CDH13: variants seen among roughly 807,000 people sequenced by gnomAD.
The protein encoded by CDH13 is cadherin-13.
A neutral mutation model predicts 63.8 loss-of-function variants in CDH13; 24 were observed. The observed-to-expected ratio is 0.38, with a 90% CI of 0.27 to 0.53. The LOEUF (loss-of-function observed/expected upper bound fraction) is 0.53. Ranked by LOEUF, CDH13 falls within the 20% of genes least tolerant of loss-of-function variation. The probability of loss-of-function intolerance (pLI) is 0.85; values close to 1 mark genes in which losing one functional copy is unlikely to be tolerated. For synonymous variants in CDH13, 503 were observed against 355.3 expected (o/e 1.42, Z -4.67); for missense variants, 1,049 against 903.1 (o/e 1.16, Z -2.07).
chr16:82,954,665 G>C (rs1268428916), intron 2 of CDH13: 1 of 151,570 alleles, frequency 6.6e-6, no homozygotes, highest in African/African-American at 2.4e-5. Flanking sequence ...CTCTTTTAAA[G>C]TGTAGCACTC....
chr16:83,567,922 C>T (rs985140501), intron 7 of CDH13, among the ~76,000 whole-genome samples: 1 of 152,174 alleles, frequency 6.6e-6, no homozygotes, highest in African/African-American at 2.4e-5. Flanking sequence ...CCTGTAAATT[C>T]TGTTGCCTCT....
chr16:83,407,809 T>C (rs2092069498), intron 6 of CDH13, among the ~76,000 whole-genome samples: 1 of 152,062 alleles, frequency 6.6e-6, no homozygotes, highest in Non-Finnish European at 1.5e-5. Context: ...ATTAGAAGTC[T>C]TAAAACTCAT....
intron 6 of CDH13, among the ~76,000 whole-genome samples, chr16:83,451,049 C>G (rs146534941): frequency 3.3e-5 from 5 of 152,118 alleles, no homozygotes; most frequent in African/African-American, 1.2e-4. Flanking sequence ...TAATAAGCGC[C>G]CCCAGTGATG....
intron 7 of CDH13, among the ~76,000 whole-genome samples, chr16:83,578,499 G>C (rs1196155236): frequency 6.6e-6 from 1 of 152,150 alleles, no homozygotes; most frequent in East Asian, 1.9e-4. Context: ...AAGCAGAAGA[G>C]GTCACATTCC....
At chr16:83,521,184 A>G (rs1158200519) in intron 7 of CDH13, among the ~76,000 whole-genome samples, 2 of 152,218 alleles carry the variant, frequency 1.3e-5, no homozygotes, top group South Asian at 2.1e-4. Flanking sequence ...AAATTATTGC[A>G]TGTACTGCCT....
intron 10 of CDH13, among the ~76,000 whole-genome samples, chr16:83,731,140 T>C (rs1911001963): frequency 6.6e-6 from 1 of 152,244 alleles, no homozygotes; most frequent in South Asian, 2.1e-4. Context: ...TGCATGTGTC[T>C]TTTTGGCAAA....
At chr16:83,155,423 C>G (rs2037168718) in intron 4 of CDH13, among the ~76,000 whole-genome samples, 1 of 152,238 alleles carries the variant, frequency 6.6e-6, no homozygotes, top group East Asian at 1.9e-4. Flanking sequence ...GCAGTGAAGG[C>G]CAAGGTCTAA....
chr16:83,015,538 A>G (rs1425946171), intron 2 of CDH13, among the ~76,000 whole-genome samples: 4 of 151,418 alleles, frequency 2.6e-5, no homozygotes, highest in Non-Finnish European at 4.4e-5. Flanking sequence ...TAATGTTTGC[A>G]GTAAGATTCC....
At chr16:83,559,410 A>G (rs1406530321) in intron 7 of CDH13, among the ~76,000 whole-genome samples, 1 of 152,094 alleles carries the variant, frequency 6.6e-6, no homozygotes, top group African/African-American at 2.4e-5. Context: ...TGTCTCTACT[A>G]AAAATATGAA....
chr16:82,629,273 C>G (rs929068959), intron 1 of CDH13, among the ~76,000 whole-genome samples: 4 of 152,178 alleles, frequency 2.6e-5, no homozygotes, highest in African/African-American at 7.2e-5. Context: ...ATGAAGGAAG[C>G]AGAGATTTTG....
chr16:82,709,764 A>G (rs60881121), intron 1 of CDH13, among the ~76,000 whole-genome samples: 7,068 of 152,248 alleles, frequency 0.046, 326 homozygotes, highest in African/African-American at 0.12. Context: ...TTTAGTATCT[A>G]CAGGGTGGGC....
intron 1 of CDH13, among the ~76,000 whole-genome samples, chr16:82,709,682 C>A (rs1236420220): frequency 1.3e-5 from 2 of 152,110 alleles, no homozygotes; most frequent in East Asian, 3.8e-4. Flanking sequence ...TTCACATGAG[C>A]GTTGTTGGAG....
At chr16:83,187,012 C>G (rs146798382) in intron 4 of CDH13, among the ~76,000 whole-genome samples, 1,574 of 152,134 alleles carry the variant, frequency 0.01, 15 homozygotes, top group Middle Eastern at 0.031. Flanking sequence ...GCTCTGTCAC[C>G]CAGGCTGGAG....
At chr16:83,033,241 C>T (rs748407861) in intron 3 of CDH13, among the ~76,000 whole-genome samples, 3 of 151,656 alleles carry the variant, frequency 2.0e-5, no homozygotes, top group Non-Finnish European at 2.9e-5. Flanking sequence ...CATTGACCTT[C>T]AGTGACTTCA....
intron 4 of CDH13, among the ~76,000 whole-genome samples, chr16:83,185,770 C>G (rs9923275): frequency 0.097 from 14,710 of 152,224 alleles, 1,478 homozygotes; most frequent in African/African-American, 0.26. Flanking sequence ...TTACCAGGAA[C>G]AGAATCATAA....
chr16:83,461,574 C>T (rs74935111), intron 6 of CDH13, among the ~76,000 whole-genome samples: 442 of 152,310 alleles, frequency 2.9e-3, no homozygotes, highest in South Asian at 5.6e-3. Context: ...TCTTAGTTGA[C>T]AAGTTCAAAA....
chr16:83,059,801 T>TTG (rs1306734409), intron 3 of CDH13, among the ~76,000 whole-genome samples: 5 of 138,010 alleles, frequency 3.6e-5, no homozygotes, highest in African/African-American at 1.3e-4. Flanking sequence ...TTGTTTTTTT[T>TTG]TTTTTTTTTT....
chr16:83,408,921 G>C (rs909482415), intron 6 of CDH13, among the ~76,000 whole-genome samples: 2 of 152,204 alleles, frequency 1.3e-5, no homozygotes, highest in African/African-American at 4.8e-5. Context: ...GGGAGCACAA[G>C]GCTTCCTTCC....
chr16:83,429,496 C>G (rs932756432), intron 6 of CDH13, among the ~76,000 whole-genome samples: 2 of 150,508 alleles, frequency 1.3e-5, no homozygotes, highest in East Asian at 1.9e-4. Flanking sequence ...TACATATACA[C>G]TAAAAGACAA....
Sources: gnomAD v4.1 joint callset for allele counts (sites outside exome capture counted in the v4.1 genomes callset) on GRCh38, gnomAD v4.1.1 for gene constraint, MANE v1.5 for transcripts, NCBI Gene and HGNC (gene_info 2026-07-23, HGNC 2026-07-21) for gene names.